SCMH1: variants seen among roughly 807,000 people sequenced by gnomAD.
SCMH1 encodes the protein Scm polycomb group protein homolog 1.
A neutral mutation model predicts 70.8 loss-of-function variants in SCMH1; 37 were observed. The observed-to-expected ratio is 0.52, with a 90% CI of 0.40 to 0.69. SCMH1 has a LOEUF of 0.69. SCMH1 is among the 30% of genes least tolerant of loss of function. The pLI is 0.00. For synonymous variants in SCMH1, 292 were observed against 307.4 expected, an observed-to-expected ratio of 0.95 and a Z score of 0.52; for missense variants, 607 against 827.3, an observed-to-expected ratio of 0.73 and a Z score of 3.27.
intron 10 of SCMH1, among the ~76,000 whole-genome samples, chr1:41,055,614 G>A (rs954879898): frequency 1.3e-5 from 2 of 152,240 alleles, no homozygotes; most frequent in Non-Finnish European, 2.9e-5. Context: ...TTACAGGCGT[G>A]AGCCACCGCG....
chr1:41,218,784 G>A (rs12121121), intron 1 of SCMH1, among the ~76,000 whole-genome samples: 37,672 of 152,140 alleles, frequency 0.25, 5,257 homozygotes, highest in Non-Finnish European at 0.31. Flanking sequence ...ATAACTTTCT[G>A]TTAAACCACT....
At chr1:41,240,302 G>A in intron 1 of SCMH1, among the ~76,000 whole-genome samples, 1 of 152,226 alleles carries the variant, frequency 6.6e-6, no homozygotes, top group Admixed American at 6.5e-5. Context: ...CCAGATGTAA[G>A]AGCCTGGCCT....
intron 1 of SCMH1, among the ~76,000 whole-genome samples, chr1:41,214,990 T>C (rs1001170865): frequency 6.6e-6 from 1 of 152,198 alleles, no homozygotes; most frequent in African/African-American, 2.4e-5. Flanking sequence ...GAATTTGAAA[T>C]ATAACAGCTA....
chr1:41,123,632 T>C (rs556375346), intron 6 of SCMH1, among the ~76,000 whole-genome samples: 1 of 152,344 alleles, frequency 6.6e-6, no homozygotes, highest in Admixed American at 6.5e-5. Context: ...TTGAGAACTA[T>C]GCTCTAGACA....
At chr1:41,151,718 ACTTCCT>A in intron 4 of SCMH1, 34 bp from the exon 5 acceptor site, 1 of 1,503,624 alleles carries the variant, frequency 6.7e-7, no homozygotes, top group Non-Finnish European at 9.2e-7. Context: ...ATCACAGTCA[ACTTCCT>A]AAAAAAAATG....
At chr1:41,187,707 G>A (rs578155579) in intron 1 of SCMH1, among the ~76,000 whole-genome samples, 3 of 151,414 alleles carry the variant, frequency 2.0e-5, no homozygotes, top group Admixed American at 6.6e-5. Flanking sequence ...GCTGAAGTAG[G>A]GGGGAATCGC....
At chr1:41,058,236 G>A (rs1651186780) in intron 10 of SCMH1, among the ~76,000 whole-genome samples, 1 of 151,946 alleles carries the variant, frequency 6.6e-6, no homozygotes, top group South Asian at 2.1e-4. Context: ...AACTGAATGA[G>A]TGACTGAAGA....
chr1:41,155,409 C>A (rs1645427946), intron 4 of SCMH1, among the ~76,000 whole-genome samples: 1 of 152,082 alleles, frequency 6.6e-6, no homozygotes, highest in African/African-American at 2.4e-5. Context: ...AGTTTGCCCA[C>A]ATGGAGCTTA....
chr1:41,230,088 CA>C (rs35487575), intron 1 of SCMH1, among the ~76,000 whole-genome samples: 11,867 of 152,146 alleles, frequency 0.078, 595 homozygotes, highest in South Asian at 0.12. Flanking sequence ...ATGTAGACCA[CA>C]AGGGAAAATA....
At chr1:41,038,116 G>C (rs1168061690) in intron 12 of SCMH1, 3 of 152,342 alleles carry the variant, frequency 2.0e-5, no homozygotes, top group Non-Finnish European at 2.9e-5. Flanking sequence ...GGTATAATCT[G>C]GCTCTGCCAC....
intron 1 of SCMH1, among the ~76,000 whole-genome samples, chr1:41,213,592 T>G (rs554354011): frequency 6.6e-6 from 1 of 152,150 alleles, no homozygotes; most frequent in African/African-American, 2.4e-5. Context: ...AAGAAGAATC[T>G]GAACAAACAA....
At chr1:41,070,706 A>G in exon 10 of SCMH1, 1 of 1,614,106 alleles carries the variant, frequency 6.2e-7, no homozygotes, top group Non-Finnish European at 8.5e-7. Flanking sequence ...GGGTTCAGCA[A>G]AGTCCGAGGT....
At position 41,128,457 on chromosome 1, in the gene SCMH1, C is replaced by T. The variant is rs187292701; in HGVS notation, c.413-11447G>A. Among the ~76,000 whole-genome samples the T allele has an allele frequency of 4.5e-4, 69 of 152,230 alleles. 1 individual carries two copies. Among genetic ancestry groups the T allele is most frequent in the Admixed American group, 1.2e-3 (19 of 15,284 alleles). On this transcript the variant is annotated intron_variant, in intron 6 of 14. Transcript: ENST00000337495. ...GAATTCTAGCTTAACAACTTGTTTT[C>T]CTTTTAGAACTTAAAAATGCTGCTC...
intron 1 of SCMH1, among the ~76,000 whole-genome samples, chr1:41,202,199 C>G (rs1654511911): frequency 6.6e-6 from 1 of 152,062 alleles, no homozygotes; most frequent in Non-Finnish European, 1.5e-5. Context: ...CCACGCCCGG[C>G]TAATTTTCGT....
At chr1:41,241,926 A>C (rs2148971627) in intron 1 of SCMH1, 133 bp downstream of exon 1, 1 of 152,198 alleles carries the variant, frequency 6.6e-6, no homozygotes, top group East Asian at 1.9e-4. Context: ...CCGGCCAGAC[A>C]GACGGACAGG....
At chr1:41,111,366 G>C (rs1557487432) in intron 8 of SCMH1, among the ~76,000 whole-genome samples, 2 of 152,188 alleles carry the variant, frequency 1.3e-5, no homozygotes, top group East Asian at 1.9e-4. Context: ...TTGAGACAGA[G>C]TCTCGCTCTG....
intron 5 of SCMH1, among the ~76,000 whole-genome samples, chr1:41,147,426 C>T (rs1644685858): frequency 6.6e-6 from 1 of 152,014 alleles, no homozygotes; most frequent in African/African-American, 2.4e-5. Context: ...TAGAAAGTTC[C>T]CTTCTATTTC....
intron 6 of SCMH1, among the ~76,000 whole-genome samples, chr1:41,125,805 AG>A (rs1412797338): frequency 2.0e-5 from 3 of 151,854 alleles, no homozygotes; most frequent in African/African-American, 7.3e-5. Flanking sequence ...TCGAACTCCT[AG>A]GCTTAAGGGA....
At chr1:41,049,874 G>C (rs1472720472) in intron 10 of SCMH1, among the ~76,000 whole-genome samples, 4 of 151,914 alleles carry the variant, frequency 2.6e-5, no homozygotes, top group African/African-American at 9.7e-5. Flanking sequence ...GACCAGCCTG[G>C]GCAATACAGT....
Sources: gnomAD v4.1 joint callset for allele counts (sites outside exome capture counted in the v4.1 genomes callset) on GRCh38, gnomAD v4.1.1 for gene constraint, MANE v1.5 for transcripts, NCBI Gene and HGNC (gene_info 2026-07-23, HGNC 2026-07-21) for gene names.